Variants in MEGF10 observed in about 807,000 individuals in gnomAD.
The protein encoded by MEGF10 is multiple epidermal growth factor-like domains protein 10.
A neutral mutation model predicts 147.5 loss-of-function variants in MEGF10; 86 were observed. The observed-to-expected ratio is 0.58, with a 90% CI of 0.49 to 0.70. MEGF10 has a LOEUF of 0.70. Among genes scored for constraint, MEGF10 ranks in the 30% least tolerant of loss-of-function variants. The pLI is 0.00. For missense variants in MEGF10, 1,329 were observed against 1,487.3 expected (o/e 0.89, Z 1.75); for synonymous variants, 478 against 525.5 (o/e 0.91, Z 1.24).
At chr5:127,380,579 G>T (rs1030966622) in intron 5 of MEGF10, among the ~76,000 whole-genome samples, 21 of 151,084 alleles carry the variant, frequency 1.4e-4, no homozygotes, top group African/African-American at 4.9e-4. Flanking sequence ...GTGCAGTGGC[G>T]CAATCTTGGC....
At position 127,459,036 on chromosome 5, in the gene MEGF10, A is replaced by T. The variant is rs916896872; in HGVS notation, c.*1718A>T. On this transcript the variant is annotated 3_prime_UTR_variant, in exon 25 of 25. Coordinates refer to ENST00000503335, the MANE Select transcript of MEGF10 (RefSeq NM_001256545.2). ...AAAGGGGCTGAAAAACTGAATAAGG[A>T]AACAACTTTATAAGAGAAACAGTGG... 6.6e-6 allele frequency: 1 copy of T among 152,210 alleles called. No individual in the cohort carries two copies. Among genetic ancestry groups the T allele is most frequent in the African/African-American group, 2.4e-5 (1 of 41,448 alleles). The allele number at this position is 152,210 out of a possible 1,614,324, so 9.4% of individuals were successfully genotyped here.
the MEGF10 span, among the ~76,000 whole-genome samples, chr5:127,250,875 T>G: frequency 6.6e-6 from 1 of 151,742 alleles, no homozygotes; most frequent in Non-Finnish European, 1.5e-5. Flanking sequence ...AATAATATAC[T>G]AAAGAATGAA....
intron 9 of MEGF10, among the ~76,000 whole-genome samples, chr5:127,415,378 G>A (rs1049139660): frequency 1.1e-4 from 17 of 152,092 alleles, no homozygotes; most frequent in South Asian, 6.2e-4. Context: ...AAGGGTAGTG[G>A]GGAGCCTTTG....
chr5:127,399,688 A>G (rs1764054463), intron 7 of MEGF10, among the ~76,000 whole-genome samples: 1 of 152,158 alleles, frequency 6.6e-6, no homozygotes, highest in African/African-American at 2.4e-5. Context: ...TCTGTTGAGT[A>G]CCAACCTCCC....
At chr5:127,446,081 G>A (rs1765933659) in intron 20 of MEGF10, among the ~76,000 whole-genome samples, 1 of 152,092 alleles carries the variant, frequency 6.6e-6, no homozygotes, top group African/African-American at 2.4e-5. Flanking sequence ...CTGAATGAGG[G>A]TACTTTCTAT....
chr5:127,268,615 C>T, the MEGF10 span, among the ~76,000 whole-genome samples: 9 of 152,194 alleles, frequency 5.9e-5, no homozygotes, highest in African/African-American at 1.9e-4. Flanking sequence ...TGGAGCCCAC[C>T]GCAACTCAAG....
intron 20 of MEGF10, among the ~76,000 whole-genome samples, chr5:127,447,245 G>A (rs569436305): frequency 3.3e-5 from 5 of 152,110 alleles, no homozygotes; most frequent in East Asian, 3.9e-4. Flanking sequence ...GTGCGATCTC[G>A]GCTCACTGTA....
intron 17 of MEGF10, among the ~76,000 whole-genome samples, chr5:127,439,322 A>G (rs572023282): frequency 1.8e-4 from 27 of 152,326 alleles, no homozygotes; most frequent in African/African-American, 6.3e-4. Context: ...CAAGAAAGGA[A>G]GGCATGTGTT....
intron 1 of MEGF10, among the ~76,000 whole-genome samples, chr5:127,327,658 A>T (rs979161709): frequency 6.6e-6 from 1 of 151,822 alleles, no homozygotes; most frequent in African/African-American, 2.4e-5. Context: ...AACAAAGAAG[A>T]TAGGGAAAAA....
chr5:127,337,386 A>C (rs1561579204), intron 2 of MEGF10, among the ~76,000 whole-genome samples: 1 of 152,100 alleles, frequency 6.6e-6, no homozygotes, highest in Non-Finnish European at 1.5e-5. Flanking sequence ...ACATAGTTAT[A>C]TTCCTCTCAA....
At chr5:127,426,116 T>A (rs966950586) in intron 13 of MEGF10, among the ~76,000 whole-genome samples, 1 of 152,156 alleles carries the variant, frequency 6.6e-6, no homozygotes, top group African/African-American at 2.4e-5. Context: ...TACAAAGGAA[T>A]TGACATGACT....
intron 1 of MEGF10, among the ~76,000 whole-genome samples, chr5:127,299,039 A>G (rs1759648161): frequency 6.6e-6 from 1 of 152,218 alleles, no homozygotes; most frequent in South Asian, 2.1e-4. Flanking sequence ...AGCTGCAGAC[A>G]TGGCGTTGGG....
At chr5:127,452,932 T>C (rs969954942) in intron 22 of MEGF10, among the ~76,000 whole-genome samples, 2 of 151,920 alleles carry the variant, frequency 1.3e-5, no homozygotes, top group African/African-American at 4.8e-5. Context: ...TGCAAGAGAG[T>C]GTGCCTGAGA....
At chr5:127,355,520 C>G (rs1419664880) in intron 4 of MEGF10, among the ~76,000 whole-genome samples, 1 of 152,092 alleles carries the variant, frequency 6.6e-6, no homozygotes, top group East Asian at 1.9e-4. Context: ...TACTCTGTTG[C>G]TATGGTGTCC....
intron 5 of MEGF10, among the ~76,000 whole-genome samples, chr5:127,393,749 A>G (rs1763794689): frequency 6.6e-6 from 1 of 152,148 alleles, no homozygotes; most frequent in African/African-American, 2.4e-5. Flanking sequence ...CCATTTTTCT[A>G]TGCTGATAGT....
intron 1 of MEGF10, among the ~76,000 whole-genome samples, chr5:127,298,032 A>T (rs891946532): frequency 2.0e-5 from 3 of 152,244 alleles, no homozygotes; most frequent in African/African-American, 4.8e-5. Flanking sequence ...AATAACCTTC[A>T]CTTCATAAAA....
chr5:127,295,195 A>G (rs539734454), intron 1 of MEGF10, among the ~76,000 whole-genome samples: 6 of 152,194 alleles, frequency 3.9e-5, no homozygotes, highest in Non-Finnish European at 7.3e-5. Context: ...AAAAGCCTAC[A>G]TATTATAGGG....
At chr5:127,404,475 T>A in intron 8 of MEGF10, among the ~76,000 whole-genome samples, 1 of 152,086 alleles carries the variant, frequency 6.6e-6, no homozygotes, top group Non-Finnish European at 1.5e-5. Context: ...TGGAAATACT[T>A]TATCTCATTC....
chr5:127,284,988 A>G, the MEGF10 span, among the ~76,000 whole-genome samples: 5 of 152,210 alleles, frequency 3.3e-5, no homozygotes, highest in Non-Finnish European at 5.9e-5. Context: ...TTTATAAGGT[A>G]ATTGAAAAAA....
Sources: gnomAD v4.1 joint callset for allele counts (sites outside exome capture counted in the v4.1 genomes callset) on GRCh38, gnomAD v4.1.1 for gene constraint, MANE v1.5 for transcripts, NCBI Gene and HGNC (gene_info 2026-07-23, HGNC 2026-07-21) for gene names.